The following PNCK variants were observed in gnomAD, a reference collection of about 807,000 sequenced individuals.
The protein encoded by PNCK is calcium/calmodulin-dependent protein kinase type 1B.
In PNCK, 21 loss-of-function variants were observed where a neutral mutation model predicts 28.3. The observed-to-expected ratio is 0.74, with a 90% CI of 0.53 to 1.07. The LOEUF is 1.07. Ranked by LOEUF, PNCK falls within the 50% of genes least tolerant of loss-of-function variation. The pLI is 0.00. For missense variants in PNCK, 250 were observed against 298.3 expected (o/e 0.84, Z 1.19); for synonymous variants, 136 against 125.2 (o/e 1.09, Z -0.58).
In PNCK at chrX:153,671,673, C is replaced by A; in HGVS notation, c.415-1G>T. On this transcript the variant is annotated splice_acceptor_variant, in intron 5 of 11. Transcript: ENST00000340888. LOFTEE classifies it high-confidence loss of function. The stretch of plus-strand genomic sequence containing the variant: ...GCGTGGCATACAGGAGGTTTTCGGG[C>A]TGTGACACACGGACACCGGGAAAAG... 8.4e-7 allele frequency: 1 copy of A among 1,183,454 alleles called. No homozygotes were observed.
chrX:153,670,391 C>T (rs1445415248), intron 11 of PNCK, 59 bp downstream of exon 11: 19 of 1,197,805 alleles, frequency 1.6e-5, no homozygotes, highest in Non-Finnish European at 2.1e-5. Flanking sequence ...GGAGCGCCAC[C>T]ACCCTCTAAG....
chrX:153,674,235 C>T, upstream of PNCK: 1 of 1,152,362 alleles, frequency 8.7e-7, no homozygotes, highest in South Asian at 2.0e-5. Flanking sequence ...GCTCCCGGCA[C>T]TCACTGGGCT....
At position 153,671,122 on chromosome X, in the gene PNCK, C is replaced by T. The variant is rs2091292036; in HGVS notation, c.683G>A (p.Ser228Asn). 8.3e-7 allele frequency: 1 copy of T among 1,210,514 alleles called. No homozygotes were observed. Among genetic ancestry groups the T allele is most frequent in the Admixed American group, 2.2e-5 (1 of 45,890 alleles). Residue 228 changes from serine (S) to asparagine (N), a missense_variant, in exon 8 of 12, where the codon AGC (serine) becomes AAC (asparagine). Transcript: ENST00000340888. The part of the protein sequence containing the change: ...PELFSQILRA[S>N]YEFDSPFWDD... ...CCAGAAAGGAGAGTCAAACTCATAG[C>T]TGGCCCTCAGGATCTGGCTGAAGAG...
chrX:153,670,837 G>C lies in PNCK; in HGVS notation c.807-6C>G, dbSNP rs1557039476. On this transcript the variant is annotated splice_polypyrimidine_tract_variant and splice_region_variant and intron_variant, in intron 9 of 11. Coordinates refer to ENST00000340888, the MANE Select transcript of PNCK (RefSeq NM_001366977.1). ...AGGCTGTGTCCCCAGAGATCCTGGGGAAAGGCTGAAGGTCAGGGGGGGTCT... is the reference window on the plus strand; with the variant it reads ...AGGCTGTGTCCCCAGAGATCCTGGGCAAAGGCTGAAGGTCAGGGGGGGTCT... The C allele has an allele frequency of 8.3e-7, 1 of 1,210,794 alleles. No individual in the cohort carries two copies. Among genetic ancestry groups the C allele is most frequent in the Non-Finnish European group, 1.1e-6 (1 of 894,341 alleles).
upstream of PNCK, among the ~76,000 whole-genome samples, chrX:153,677,588 ATATATATATATAGT>A (rs1569538954): frequency 1.3e-4 from 10 of 75,281 alleles, no homozygotes; most frequent in South Asian, 2.3e-3. Flanking sequence ...TATATAGTGT[ATATATATATATAGT>A]GTGTATATAT....
intron 11 of PNCK, 139 bp downstream of exon 11, chrX:153,670,311 C>A: frequency 1.1e-6 from 1 of 916,101 alleles, no homozygotes; most frequent in Non-Finnish European, 1.5e-6. Context: ...GGGGCCCTGG[C>A]TCCTCCCTCT....
chrX:153,673,192 G>A, intron 1 of PNCK, 114 bp from the exon 2 acceptor site: 1 of 1,181,525 alleles, frequency 8.5e-7, no homozygotes, highest in Non-Finnish European at 1.1e-6. Flanking sequence ...CTGCGCGCTC[G>A]ACCCTCCCCT....
chrX:153,674,423 C>T (rs894010588), upstream of PNCK: 4 of 302,240 alleles, frequency 1.3e-5, no homozygotes, highest in African/African-American at 1.1e-4. Flanking sequence ...TCCACCTCTT[C>T]CCCGGCCACA....
intron 1 of PNCK, among the ~76,000 whole-genome samples, chrX:153,683,151 AT>A (rs1361915272): frequency 2.7e-5 from 3 of 111,688 alleles, no homozygotes; most frequent in Non-Finnish European, 5.7e-5. Context: ...TTTATTTTTT[AT>A]TTTTTTGAGA....
At chrX:153,671,700 G>T in intron 5 of PNCK, 28 bp from the exon 6 acceptor site, 1 of 1,177,434 alleles carries the variant, frequency 8.5e-7, no homozygotes, top group Non-Finnish European at 1.1e-6. Context: ...CGGGAAAAGG[G>T]CCAGTCAGTC....
chrX:153,682,782 A>T (rs1048211012), intron 1 of PNCK, among the ~76,000 whole-genome samples: 6 of 112,437 alleles, frequency 5.3e-5, no homozygotes, highest in Non-Finnish European at 9.4e-5. Flanking sequence ...ACCCTTGAGA[A>T]TGTACTTTGT....
At chrX:153,685,124 G>A (rs992898347) in intron 1 of PNCK, among the ~76,000 whole-genome samples, 2 of 106,260 alleles carry the variant, frequency 1.9e-5, no homozygotes, top group Non-Finnish European at 3.9e-5. Context: ...CAAGACAGGC[G>A]GAGGCTTGGA....
At chrX:153,685,293 G>A (rs1284451006) in intron 1 of PNCK, among the ~76,000 whole-genome samples, 1 of 111,417 alleles carries the variant, frequency 9.0e-6, no homozygotes, top group African/African-American at 3.3e-5. Context: ...GACCCAGCCA[G>A]GGATGGAAAT....
At chrX:153,672,369 G>C (rs782584908) in intron 3 of PNCK, 169 bp from the exon 4 acceptor site, 113 of 844,393 alleles carry the variant, frequency 1.3e-4, no homozygotes, top group Non-Finnish European at 1.7e-4. Flanking sequence ...CCTGAGCCCC[G>C]GCCTTCCTTC....
chrX:153,670,534 C>T lies in PNCK; in HGVS notation c.955G>A (p.Gly319Ser), dbSNP rs782723734. The change falls in exon 11 of 12, where the codon GGC (glycine) becomes AGC (serine). Residue 319 changes from glycine to serine, a missense_variant. Physicochemically the swap from Gly to Ser is moderately conservative, Grantham distance 56. Transcript: ENST00000340888. ...ATGCCCTGCTCAGAGGCCCCCTCGC[C>T]CTCTGGGATCTGCCCCAGCTTCCGG... ...HIRKLGQIPE[G>S]EGASEQGMAR... 3.3e-6 allele frequency: 4 copies of T among 1,209,814 alleles called. No homozygotes were observed. The East Asian group carries it at 1.2e-4, about 36-fold the overall frequency.
chrX:153,672,052 C>T (rs782635062), intron 4 of PNCK, 34 bp from the exon 5 acceptor site: 4 of 1,204,835 alleles, frequency 3.3e-6, no homozygotes, highest in Middle Eastern at 2.4e-4. Context: ...GACCCAGGCA[C>T]TCAGCCTGGC....
At chrX:153,675,687 A>T (rs2091361729), upstream of PNCK, among the ~76,000 whole-genome samples, 1 of 110,581 alleles carries the variant, frequency 9.0e-6, no homozygotes. Context: ...CACCACACCA[A>T]GCTAATTTTT....
At chrX:153,670,381 G>T in intron 11 of PNCK, 69 bp downstream of exon 11, 1 of 1,188,089 alleles carries the variant, frequency 8.4e-7, no homozygotes, top group South Asian at 1.8e-5. Context: ...TTGGCCACAT[G>T]GAGCGCCACC....
At chrX:153,678,460 T>TAAAATTA (rs2091379931), upstream of PNCK, among the ~76,000 whole-genome samples, 1 of 111,332 alleles carries the variant, frequency 9.0e-6, no homozygotes, top group Non-Finnish European at 1.9e-5. Flanking sequence ...TCTCTAAAAA[T>TAAAATTA]AAAATTAAAA....
Sources: allele counts gnomAD v4.1 joint callset (sites outside exome capture counted in the v4.1 genomes callset), GRCh38; gene constraint gnomAD v4.1.1; transcripts MANE v1.5; gene names NCBI Gene and HGNC (gene_info 2026-07-23, HGNC 2026-07-21).